MTERF4: variants seen among roughly 807,000 people sequenced by gnomAD.
The protein encoded by MTERF4 is mitochondrial transcription termination factor 4, also known as transcription termination factor 4, mitochondrial.
Under a neutral mutation model 22.5 loss-of-function variants are expected in MTERF4, and 17 were observed. That is an observed-to-expected ratio of 0.75 (90% confidence interval 0.52 to 1.13). The LOEUF (loss-of-function observed/expected upper bound fraction) is 1.13. MTERF4 is among the 50% of genes most tolerant of loss of function. The probability of loss-of-function intolerance (pLI) is 0.00; values close to 1 mark genes in which losing one functional copy is unlikely to be tolerated. For missense variants in MTERF4, 420 were observed against 466.8 expected (o/e 0.90, Z 0.92); for synonymous variants, 165 against 175.3 (o/e 0.94, Z 0.47).
In MTERF4 at chr2:241,095,818, G is replaced by A; in HGVS notation, c.*180C>T. The A allele has an allele frequency of 8.9e-7, 1 of 1,126,998 alleles. No homozygotes were observed. Among genetic ancestry groups the A allele is most frequent in the Non-Finnish European group, 1.3e-6 (1 of 796,566 alleles). 69.8% of individuals were successfully genotyped at this position (1,126,998 alleles called of 1,614,324 possible). ...ACAACAGATCAAACATGCATTTCCT[G>A]TTTCCTGTTTGGTTTGATCTGTCTG... is the stretch of plus-strand genomic sequence containing the variant. On this transcript the variant is annotated 3_prime_UTR_variant, in exon 4 of 4. Coordinates refer to ENST00000391980, the MANE Select transcript of MTERF4 (RefSeq NM_182501.4).
downstream of MTERF4, chr2:241,086,948 G>A (rs141187609): frequency 9.6e-3 from 1,480 of 154,806 alleles, 20 homozygotes; most frequent in African/African-American, 0.033. Flanking sequence ...AGATGAAATC[G>A]GGTCTCCTGT....
At chr2:241,092,259 G>C (rs2064075613), downstream of MTERF4, 1 of 152,208 alleles carries the variant, frequency 6.6e-6, no homozygotes, top group South Asian at 2.1e-4. The surrounding 1 kb of genome is among the most constrained non-coding windows in gnomAD (Gnocchi z 4.6). Flanking sequence ...GTGGAGTTCA[G>C]ACTTTTTTAG....
downstream of MTERF4, chr2:241,093,747 G>C (rs1186712467): frequency 6.6e-6 from 1 of 152,336 alleles, no homozygotes; most frequent in Non-Finnish European, 1.5e-5. Context: ...AGGAATTACA[G>C]TTCGTTCTTG....
chr2:241,082,209 G>C (rs992458895), downstream of MTERF4: 24 of 1,301,930 alleles, frequency 1.8e-5, no homozygotes, highest in Non-Finnish European at 2.6e-5. Context: ...CCTTGGGCAA[G>C]GCCTCTCAAG....
the MTERF4 span, among the ~76,000 whole-genome samples, chr2:241,055,762 C>T: frequency 9.2e-5 from 14 of 152,308 alleles, no homozygotes; most frequent in Non-Finnish European, 5.9e-5. Context: ...GCATGAGAAG[C>T]CAGGGACTGG....
chr2:241,070,282 A>G (rs1368927928), downstream of MTERF4: 1 of 1,413,070 alleles, frequency 7.1e-7, no homozygotes, highest in Non-Finnish European at 9.5e-7. Flanking sequence ...CTGGCCCTGC[A>G]GGGGCCTGGG....
At chr2:241,076,862 C>A (rs574902489) in intron 4 of MTERF4, among the ~76,000 whole-genome samples, 1 of 152,146 alleles carries the variant, frequency 6.6e-6, no homozygotes, top group East Asian at 1.9e-4. Flanking sequence ...GAGGCCGAGG[C>A]GGGCGGATCA....
chr2:241,096,341 AG>A lies in MTERF4; in HGVS notation c.802del (p.Leu268TrpfsTer143). On this transcript the variant is annotated frameshift_variant, in exon 4 of 4. Transcript: ENST00000391980. LOFTEE classifies it low-confidence loss of function (END_TRUNC). The surrounding 1 kb of genome is among the most constrained non-coding windows in gnomAD (Gnocchi z 5.1). ...LTKIKQRHIY[L>X]ERLGRYQTPD... is the part of the protein sequence containing the mutation. ...GGTTTGGTACCGTCCCAGGCGCTCCAGGTAAATGTGTCTCTGCTTAATCTTG... is the reference window on the plus strand; with the variant it reads ...GGTTTGGTACCGTCCCAGGCGCTCCAGTAAATGTGTCTCTGCTTAATCTTG... The A allele has an allele frequency of 6.2e-7, 1 of 1,614,198 alleles. No homozygotes were observed. Among genetic ancestry groups the A allele is most frequent in the Non-Finnish European group, 8.5e-7 (1 of 1,180,038 alleles).
exon 5 of MTERF4, chr2:241,074,811 A>C (rs1272763803): frequency 1.3e-5 from 2 of 152,080 alleles, no homozygotes; most frequent in Non-Finnish European, 2.9e-5. Context: ...CAAGAACCCA[A>C]CCTATAAACT....
At chr2:241,088,051 G>A (rs1379056020), downstream of MTERF4, 3 of 446,296 alleles carry the variant, frequency 6.7e-6, no homozygotes, top group South Asian at 3.6e-5. Flanking sequence ...GTGCTGCTCG[G>A]CCTGTGCACG....
chr2:241,057,412 T>TATATATATATGC, the MTERF4 span, among the ~76,000 whole-genome samples: 90 of 129,374 alleles, frequency 7.0e-4, 1 homozygote, highest in African/African-American at 2.6e-3. Flanking sequence ...TATATATATA[T>TATATATATATGC]GCCATACGCA....
At chr2:241,049,201 G>T in the MTERF4 span, 1 of 1,270,346 alleles carries the variant, frequency 7.9e-7, no homozygotes, top group Non-Finnish European at 1.1e-6. Context: ...GAAAGCGGTG[G>T]ATGAGGCAGG....
chr2:241,084,984 G>GTCATTCTT (rs2063510403), downstream of MTERF4, among the ~76,000 whole-genome samples: 1 of 152,058 alleles, frequency 6.6e-6, no homozygotes. Flanking sequence ...CAGACAAGAA[G>GTCATTCTT]ACTGCAGTCA....
chr2:241,062,966 C>A, the MTERF4 span: 1 of 1,088,268 alleles, frequency 9.2e-7, no homozygotes, highest in Non-Finnish European at 1.3e-6. Flanking sequence ...GTGCCTGAGG[C>A]ACTGGGTCCC....
At chr2:241,077,272 C>T (rs2063072213) in intron 4 of MTERF4, among the ~76,000 whole-genome samples, 1 of 152,084 alleles carries the variant, frequency 6.6e-6, no homozygotes, top group Non-Finnish European at 1.5e-5. Flanking sequence ...CACAAATTAC[C>T]ACAAATTGAC....
chr2:241,064,261 G>C, the MTERF4 span: 1 of 629,228 alleles, frequency 1.6e-6, no homozygotes, highest in Non-Finnish European at 2.7e-6. The surrounding 1 kb of genome is among the most constrained non-coding windows in gnomAD (Gnocchi z 7.0). Context: ...CGCCGCCTTG[G>C]AAGTCCCCTT....
intron 2 of MTERF4, among the ~76,000 whole-genome samples, chr2:241,097,973 C>G (rs2125384710): frequency 6.6e-6 from 1 of 152,260 alleles, no homozygotes; most frequent in South Asian, 2.1e-4. Context: ...GTCCTGGTTA[C>G]CAGGGTCACC....
downstream of MTERF4, chr2:241,070,135 A>G (rs2062634324): frequency 6.2e-7 from 1 of 1,612,134 alleles, no homozygotes; most frequent in Non-Finnish European, 8.5e-7. Context: ...GCTCTCTGTG[A>G]TAGCAGTGCA....
At position 241,097,295 on chromosome 2, in the gene MTERF4, C is replaced by T. The variant is rs2064491244; in HGVS notation, c.653G>A (p.Ser218Asn). The change falls in exon 3 of 4, where the codon AGT becomes AAT. Residue 218 changes from serine (S) to asparagine (N), a missense_variant. Transcript: ENST00000391980. Reference sequence around the variant, plus strand: ...GTCCTCTCGAAGAACAGAGGGGCAACTGTGCAAAATCTTGGTGACTTGCTG... The same window carrying T: ...GTCCTCTCGAAGAACAGAGGGGCAATTGTGCAAAATCTTGGTGACTTGCTG... ...TVQQVTKILH[S>N]CPSVLREDLG... 2 of 1,614,210 alleles carry T rather than the reference C, an allele frequency of 1.2e-6. No homozygotes were observed. The highest frequency in any genetic ancestry group is 4.5e-5 in the East Asian group (2 of 44,888).
Sources: allele counts gnomAD v4.1 joint callset (sites outside exome capture counted in the v4.1 genomes callset), GRCh38; gene constraint gnomAD v4.1.1; non-coding constraint Gnocchi (gnomAD v3.1); transcripts MANE v1.5; gene names NCBI Gene and HGNC (gene_info 2026-07-23, HGNC 2026-07-21).